The following SPATA17 variants were observed in gnomAD, a reference collection of about 807,000 sequenced individuals.
The protein encoded by SPATA17 is spermatogenesis-associated protein 17.
Under a neutral mutation model 62.2 loss-of-function variants are expected in SPATA17, and 53 were observed. The ratio of observed to expected loss-of-function variants is 0.85; its 90% CI spans 0.68 to 1.07. The LOEUF is 1.07. Among genes scored for constraint, SPATA17 ranks in the 50% least tolerant of loss-of-function variants. The probability of loss-of-function intolerance (pLI) is 0.00; values close to 1 mark genes in which losing one functional copy is unlikely to be tolerated. For synonymous variants in SPATA17, 146 were observed against 146.8 expected, an observed-to-expected ratio of 0.99 and a Z score of 0.04; for missense variants, 466 against 425.5, an observed-to-expected ratio of 1.10 and a Z score of -0.84.
chr1:217,704,070 T>G lies in SPATA17; in HGVS notation c.395+20709T>G, dbSNP rs369142228. 6.2e-5 allele frequency among the ~76,000 whole-genome samples: 9 copies of G among 145,050 alleles called. No individual in the cohort carries two copies. In the East Asian group the frequency reaches 1.6e-3, roughly 25 times the overall value. Reference sequence around the variant, plus strand: ...TTTGTTGTTGTTGTTTCTTGTGTATTTTTAAAACTCTTTTAGGTTCAGGGT... The same window carrying G: ...TTTGTTGTTGTTGTTTCTTGTGTATGTTTAAAACTCTTTTAGGTTCAGGGT... On this transcript the variant is annotated intron_variant, in intron 5 of 10. Coordinates refer to ENST00000366933, the MANE Select transcript of SPATA17 (RefSeq NM_138796.4).
chr1:217,850,732 C>T lies in SPATA17; in HGVS notation c.1006-12042C>T. 6 of 863,228 alleles carry T rather than the reference C, an allele frequency of 7.0e-6. No homozygotes were observed. In the South Asian group the frequency reaches 9.0e-5, roughly 13 times the overall value. The allele number at this position is 863,228 out of a possible 1,614,324, so 53.5% of individuals were successfully genotyped here. A position where few individuals can be genotyped will look rare whatever the true frequency, so the allele number is the denominator to read the frequency against. On this transcript the variant is annotated intron_variant, in intron 9 of 10. Coordinates refer to ENST00000366933, the MANE Select transcript of SPATA17 (RefSeq NM_138796.4). Reference sequence around the variant, plus strand: ...TCACCCGACAAAGCCATTCACCCCTCCAGAATATTTTATTCATACATATAG... The same window carrying T: ...TCACCCGACAAAGCCATTCACCCCTTCAGAATATTTTATTCATACATATAG...
At chr1:217,688,687 T>C (rs2102910206) in intron 5 of SPATA17, among the ~76,000 whole-genome samples, 1 of 152,312 alleles carries the variant, frequency 6.6e-6, no homozygotes, top group Admixed American at 6.5e-5. Flanking sequence ...CTCATCATTC[T>C]TTATGTTGCT....
chr1:217,722,382 A>G (rs1361114785), intron 5 of SPATA17, among the ~76,000 whole-genome samples: 1 of 152,068 alleles, frequency 6.6e-6, no homozygotes. Context: ...TAGGAAACTT[A>G]TTTATATCGG....
intron 5 of SPATA17, among the ~76,000 whole-genome samples, chr1:217,726,446 C>A (rs1409206700): frequency 1.3e-5 from 2 of 152,310 alleles, no homozygotes; most frequent in Non-Finnish European, 2.9e-5. Flanking sequence ...TCTCTTCAGT[C>A]CTGCATCCCT....
intron 6 of SPATA17, among the ~76,000 whole-genome samples, chr1:217,752,047 G>C (rs1672924873): frequency 6.6e-6 from 1 of 152,114 alleles, no homozygotes; most frequent in African/African-American, 2.4e-5. Flanking sequence ...CATTATTCCT[G>C]TTTTCTTTAG....
intron 5 of SPATA17, among the ~76,000 whole-genome samples, chr1:217,701,522 A>C (rs1055515696): frequency 1.3e-5 from 2 of 151,564 alleles, no homozygotes; most frequent in Non-Finnish European, 2.9e-5. Flanking sequence ...AGTTGCTGGG[A>C]TTACAGGCGC....
intron 5 of SPATA17, among the ~76,000 whole-genome samples, chr1:217,711,222 A>C (rs1671854459): frequency 6.6e-6 from 1 of 152,202 alleles, no homozygotes; most frequent in Admixed American, 6.5e-5. Flanking sequence ...GGTTTGGTGT[A>C]CATATTATTT....
chr1:217,782,294 G>A lies in SPATA17; in HGVS notation c.844G>A (p.Glu282Lys). The change falls in exon 8 of 11, where the codon GAA becomes AAA. Residue 282 changes from glutamate to lysine, a missense_variant. Physicochemically the swap from Glu to Lys is moderately conservative, Grantham distance 56. Coordinates refer to ENST00000366933, the MANE Select transcript of SPATA17 (RefSeq NM_138796.4). ...KLAREELRRE[E>K]WLQNVNDNMF... ...GGCCAGAGAGGAGCTCAGAAGAGAG[G>A]AATGGCTGCAAAATGTAAATGACAA... 6.2e-7 allele frequency: 1 copy of A among 1,609,622 alleles called. No individual in the cohort carries two copies.
At chr1:217,812,210 TTGTGTTAAAAGGTG>T (rs1057226102) in intron 9 of SPATA17, among the ~76,000 whole-genome samples, 5 of 152,314 alleles carry the variant, frequency 3.3e-5, no homozygotes, top group African/African-American at 1.2e-4. Context: ...TATTAACCAA[TTGTGTTAAAAGGTG>T]TCAGTTGGCA....
chr1:217,665,400 AG>A (rs1170308184), intron 3 of SPATA17: 1 of 152,206 alleles, frequency 6.6e-6, no homozygotes, highest in Non-Finnish European at 1.5e-5. Context: ...AGTTGATAAA[AG>A]CAATACTTTA....
At chr1:217,785,089 T>C (rs1175459355) in intron 8 of SPATA17, 1 of 152,206 alleles carries the variant, frequency 6.6e-6, no homozygotes, top group African/African-American at 2.4e-5. Context: ...ATCTTTATGT[T>C]TTTCAGTTTC....
chr1:217,642,565 C>T (rs1279403063), intron 1 of SPATA17, among the ~76,000 whole-genome samples: 2 of 152,146 alleles, frequency 1.3e-5, no homozygotes, highest in Non-Finnish European at 2.9e-5. Flanking sequence ...GAATTGAAAT[C>T]CCCCTAATCC....
intron 1 of SPATA17, among the ~76,000 whole-genome samples, chr1:217,638,991 T>C (rs1021451024): frequency 6.6e-6 from 1 of 151,994 alleles, no homozygotes; most frequent in Non-Finnish European, 1.5e-5. Flanking sequence ...ATGTGAATAA[T>C]AGTTACTGCA....
intron 8 of SPATA17, among the ~76,000 whole-genome samples, chr1:217,798,275 T>C (rs17675817): frequency 0.032 from 4,841 of 152,312 alleles, 112 homozygotes; most frequent in Middle Eastern, 0.065. Flanking sequence ...ATTACTCAAA[T>C]ATTGCAACAA....
intron 4 of SPATA17, among the ~76,000 whole-genome samples, chr1:217,676,869 T>G (rs1188496196): frequency 1.3e-5 from 2 of 152,148 alleles, no homozygotes; most frequent in Non-Finnish European, 2.9e-5. Context: ...AATCAAAAGC[T>G]TACAGAATGT....
chr1:217,717,033 G>A (rs748256957), intron 5 of SPATA17, among the ~76,000 whole-genome samples: 12 of 152,100 alleles, frequency 7.9e-5, no homozygotes, highest in Non-Finnish European at 1.2e-4. Context: ...AGACCACACT[G>A]CCTCTTTATG....
intron 8 of SPATA17, among the ~76,000 whole-genome samples, chr1:217,797,498 C>T (rs1355418081): frequency 1.3e-5 from 2 of 152,082 alleles, no homozygotes; most frequent in African/African-American, 4.8e-5. Flanking sequence ...GATCCACCCA[C>T]CTCAGCCTCC....
At chr1:217,701,132 G>A (rs11803756) in intron 5 of SPATA17, among the ~76,000 whole-genome samples, 3 of 149,206 alleles carry the variant, frequency 2.0e-5, no homozygotes, top group Admixed American at 6.7e-5. Flanking sequence ...ACACCACCAC[G>A]CCTAGCTAGT....
chr1:217,850,424 G>A (rs1445144787), intron 9 of SPATA17: 2 of 1,281,950 alleles, frequency 1.6e-6, no homozygotes, highest in Admixed American at 3.5e-5. Context: ...CTCAGACGCT[G>A]GACCAGGTAC....
Sources: gnomAD v4.1 joint callset for allele counts (sites outside exome capture counted in the v4.1 genomes callset) on GRCh38, gnomAD v4.1.1 for gene constraint, MANE v1.5 for transcripts, NCBI Gene and HGNC (gene_info 2026-07-23, HGNC 2026-07-21) for gene names.